Variants in ARHGAP44 observed in about 807,000 individuals in gnomAD.
ARHGAP44 encodes the protein Rho GTPase activating protein 44, also known as rho GTPase-activating protein 44.
A neutral mutation model predicts 106.8 loss-of-function variants in ARHGAP44; 43 were observed. That is an observed-to-expected ratio of 0.40 (90% CI 0.32 to 0.52). The LOEUF is 0.52. ARHGAP44 is among the 20% of genes least tolerant of loss of function. The probability of loss-of-function intolerance (pLI) is 0.48; values close to 1 mark genes in which losing one functional copy is unlikely to be tolerated. For missense variants in ARHGAP44, 866 were observed against 1,050.5 expected (o/e 0.82, Z 2.43); for synonymous variants, 439 against 410.3 (o/e 1.07, Z -0.85).
chr17:12,975,580 C>T (rs188890936), intron 18 of ARHGAP44, among the ~76,000 whole-genome samples: 11,253 of 151,772 alleles, frequency 0.074, 461 homozygotes, highest in Middle Eastern at 0.099. Flanking sequence ...GGGTGGATCA[C>T]GAGGTCAGGA....
At chr17:12,792,298 G>T (rs1013964158) in intron 1 of ARHGAP44, among the ~76,000 whole-genome samples, 2 of 152,016 alleles carry the variant, frequency 1.3e-5, no homozygotes, top group Non-Finnish European at 2.9e-5. Flanking sequence ...TTTCATTTCT[G>T]GACAGCACTC....
Position 12,815,284 on chromosome 17 carries a change from T to C in ARHGAP44, c.53+25393T>C, listed in dbSNP as rs1447466167. Among the ~76,000 whole-genome samples the C allele has an allele frequency of 3.3e-5, 5 of 152,306 alleles. No individual in the cohort carries two copies. The East Asian group carries it at 9.6e-4, about 29-fold the overall frequency. On this transcript the variant is annotated intron_variant, in intron 1 of 20. Coordinates refer to ENST00000379672, the MANE Select transcript of ARHGAP44 (RefSeq NM_014859.6). ...ATGTACAATCTCATACACGGCTGTC[T>C]ACTGTATTTCCTTGCAAACATTCCG... is the stretch of plus-strand genomic sequence containing the variant.
At chr17:12,876,937 G>T (rs989472243) in intron 1 of ARHGAP44, among the ~76,000 whole-genome samples, 1 of 149,876 alleles carries the variant, frequency 6.7e-6, no homozygotes, top group Non-Finnish European at 1.5e-5. Context: ...AAGAAGAAAA[G>T]ATATTTTGAT....
intron 1 of ARHGAP44, among the ~76,000 whole-genome samples, chr17:12,894,425 A>T (rs1378523838): frequency 2.0e-5 from 3 of 152,200 alleles, no homozygotes; most frequent in African/African-American, 7.2e-5. Context: ...TTCCTCCAGC[A>T]TCCAGGTTCT....
chr17:12,924,667 T>A (rs920035070), intron 6 of ARHGAP44, among the ~76,000 whole-genome samples: 4 of 152,130 alleles, frequency 2.6e-5, no homozygotes, highest in African/African-American at 9.7e-5. Flanking sequence ...TTAAATGAGG[T>A]CATAAGAATG....
At chr17:12,878,458 A>G (rs1192567881) in intron 1 of ARHGAP44, among the ~76,000 whole-genome samples, 1 of 152,202 alleles carries the variant, frequency 6.6e-6, no homozygotes, top group Non-Finnish European at 1.5e-5. Flanking sequence ...TTAAAAAGAT[A>G]TGACTTGTAC....
At chr17:12,986,193 C>T (rs1394622966) in intron 20 of ARHGAP44, 2 of 152,052 alleles carry the variant, frequency 1.3e-5, no homozygotes, top group Non-Finnish European at 2.9e-5. Context: ...TGTCATCTAC[C>T]CCGAGGCTTA....
rs776790119 is a variant in ARHGAP44, at chr17:12,955,849, C to A, written c.1137-18C>A. 5 of 1,555,206 alleles carry A rather than the reference C, an allele frequency of 3.2e-6. No homozygotes were observed. The East Asian group carries it at 1.1e-4, about 35-fold the overall frequency. ...TGTTGAGCCTTGGTTAAACCTGGCC[C>A]TTCTAATTTTCTTTTAGATACTTGA... On this transcript the variant is annotated intron_variant, in intron 13 of 20. Coordinates refer to ENST00000379672, the MANE Select transcript of ARHGAP44 (RefSeq NM_014859.6).
intron 1 of ARHGAP44, among the ~76,000 whole-genome samples, chr17:12,894,136 G>T (rs1209663432): frequency 6.6e-6 from 1 of 151,958 alleles, no homozygotes; most frequent in Non-Finnish European, 1.5e-5. Context: ...AAATTCTTTA[G>T]ACTTCTTGTA....
At position 12,944,268 on chromosome 17, in the gene ARHGAP44, T is replaced by C. The variant is rs1391433824; in HGVS notation, c.861+72T>C. The C allele has an allele frequency of 6.6e-6, 10 of 1,511,084 alleles. No homozygotes were observed. In the African/African-American group the frequency reaches 1.4e-4, roughly 21 times the overall value. The allele number at this position is 1,511,084 out of a possible 1,614,324, so 93.6% of individuals were successfully genotyped here. A position where few individuals can be genotyped will look rare whatever the true frequency, so the allele number is the denominator to read the frequency against. On this transcript the variant is annotated intron_variant, in intron 10 of 20. Transcript: ENST00000379672. ...CCACGAGACAGAGCTTACAGGATCCTCTCTCCTGTACCATCTCCACTCCGG... is the reference window on the plus strand; with the variant it reads ...CCACGAGACAGAGCTTACAGGATCCCCTCTCCTGTACCATCTCCACTCCGG...
chr17:12,941,008 C>T (rs1348949893), intron 7 of ARHGAP44, 48 bp from the exon 8 acceptor site: 2 of 1,553,938 alleles, frequency 1.3e-6, no homozygotes, highest in East Asian at 2.2e-5. Flanking sequence ...ATTAGCCACT[C>T]TCCATTGGTT....
chr17:12,976,101 A>G (rs2039673875), intron 18 of ARHGAP44, among the ~76,000 whole-genome samples: 1 of 152,126 alleles, frequency 6.6e-6, no homozygotes, highest in African/African-American at 2.4e-5. Context: ...CTGTTAGAAG[A>G]CATGGCATTC....
chr17:12,900,230 A>G (rs562194433), intron 3 of ARHGAP44, among the ~76,000 whole-genome samples: 4 of 152,150 alleles, frequency 2.6e-5, no homozygotes, highest in African/African-American at 7.2e-5. Flanking sequence ...CCCGGGTTCA[A>G]ACAATTCTCC....
chr17:12,860,051 G>A (rs2036023925), intron 1 of ARHGAP44, among the ~76,000 whole-genome samples: 1 of 152,172 alleles, frequency 6.6e-6, no homozygotes, highest in South Asian at 2.1e-4. Context: ...CAGACTCCTG[G>A]AGGGCTGGAC....
chr17:12,870,989 C>T (rs2036390137), intron 1 of ARHGAP44, among the ~76,000 whole-genome samples: 1 of 151,940 alleles, frequency 6.6e-6, no homozygotes, highest in Non-Finnish European at 1.5e-5. Flanking sequence ...TACTTTCTTT[C>T]CCGCCTTTCT....
intron 13 of ARHGAP44, among the ~76,000 whole-genome samples, chr17:12,954,562 C>T (rs1183240709): frequency 6.6e-6 from 1 of 152,172 alleles, no homozygotes; most frequent in Non-Finnish European, 1.5e-5. Context: ...TAAGTGATTA[C>T]ATGGTAGGAC....
At chr17:12,908,713 T>C (rs2037635755) in intron 3 of ARHGAP44, among the ~76,000 whole-genome samples, 184 bp from the exon 4 acceptor site, 1 of 152,248 alleles carries the variant, frequency 6.6e-6, no homozygotes, top group Non-Finnish European at 1.5e-5. Flanking sequence ...GTTTTCTGAA[T>C]TTTGACATCT....
At chr17:12,816,688 A>G (rs2034607266) in intron 1 of ARHGAP44, among the ~76,000 whole-genome samples, 1 of 152,328 alleles carries the variant, frequency 6.6e-6, no homozygotes, top group East Asian at 1.9e-4. Flanking sequence ...CTGATAAAAG[A>G]GTCAGTTTAC....
At chr17:12,880,568 T>G (rs968471694) in intron 1 of ARHGAP44, among the ~76,000 whole-genome samples, 1 of 151,880 alleles carries the variant, frequency 6.6e-6, no homozygotes, top group Non-Finnish European at 1.5e-5. Flanking sequence ...GGGTAAACTT[T>G]ATTTTATTGC....
Sources: gnomAD v4.1 joint callset for allele counts (sites outside exome capture counted in the v4.1 genomes callset) on GRCh38, gnomAD v4.1.1 for gene constraint, MANE v1.5 for transcripts, NCBI Gene and HGNC (gene_info 2026-07-23, HGNC 2026-07-21) for gene names.